GARNL3: variants seen among roughly 807,000 people sequenced by gnomAD.
GARNL3 encodes the protein GTPase activating Rap/RanGAP domain like 3, also known as GTPase-activating Rap/Ran-GAP domain-like protein 3.
A neutral mutation model predicts 125.0 loss-of-function variants in GARNL3; 63 were observed. The observed-to-expected ratio is 0.50, with a 90% CI of 0.41 to 0.62. GARNL3 has a LOEUF of 0.62. Ranked by LOEUF, GARNL3 falls within the 20% of genes least tolerant of loss-of-function variation. The pLI is 0.00. For synonymous variants in GARNL3, 439 were observed against 457.5 expected, an observed-to-expected ratio of 0.96 and a Z score of 0.52; for missense variants, 994 against 1,244.0, an observed-to-expected ratio of 0.80 and a Z score of 3.02.
intron 4 of GARNL3, among the ~76,000 whole-genome samples, chr9:127,314,531 C>T (rs1020811236): frequency 6.6e-6 from 1 of 151,714 alleles, no homozygotes; most frequent in Non-Finnish European, 1.5e-5. Flanking sequence ...CCCCTTCCTT[C>T]CTCCCTCCCT....
intron 9 of GARNL3, among the ~76,000 whole-genome samples, chr9:127,333,799 G>T (rs566357560): frequency 4.9e-4 from 75 of 152,290 alleles, no homozygotes; most frequent in African/African-American, 1.7e-3. Context: ...GTAGGAGAGG[G>T]GGCATGACCC....
chr9:127,240,710 G>A (rs1044735013), intron 1 of GARNL3, among the ~76,000 whole-genome samples: 1 of 152,174 alleles, frequency 6.6e-6, no homozygotes, highest in African/African-American at 2.4e-5. Flanking sequence ...TCAGACCACT[G>A]TGGGCAACAT....
Position 127,388,969 on chromosome 9 carries a change from C to T in GARNL3, c.2593C>T (p.Arg865Ter), listed in dbSNP as rs1456699424. The T allele has an allele frequency of 7.4e-6, 12 of 1,613,312 alleles. No individual in the cohort carries two copies. The highest frequency in any genetic ancestry group is 1.3e-5 in the African/African-American group (1 of 74,926). ...LRNLVGRSIE[R>*]PLKSPLVSKV... ...AAACCTCGTGGGCAGAAGCATCGAA[C>T]GACCTCTGAAGTCACCCTTAGTCTC... is the stretch of plus-strand genomic sequence containing the variant. Residue 865 changes from arginine to a stop codon, truncating the protein, a stop_gained, in exon 26 of 28, where the codon CGA (arginine) becomes TGA (stop). Coordinates refer to ENST00000373387, the MANE Select transcript of GARNL3 (RefSeq NM_032293.5). LOFTEE classifies it high-confidence loss of function.
chr9:127,238,284 A>C (rs1397019367), intron 1 of GARNL3, among the ~76,000 whole-genome samples: 2 of 152,102 alleles, frequency 1.3e-5, no homozygotes, highest in Non-Finnish European at 2.9e-5. Context: ...ATTAGGCCTC[A>C]TCAGGCCTGG....
intron 22 of GARNL3, among the ~76,000 whole-genome samples, chr9:127,381,428 G>A (rs945737523): frequency 1.1e-4 from 16 of 151,600 alleles, no homozygotes; most frequent in African/African-American, 3.9e-4. Context: ...GGGACATTTT[G>A]TGAACTAAAA....
intron 1 of GARNL3, among the ~76,000 whole-genome samples, chr9:127,269,689 G>T (rs1382367421): frequency 6.6e-6 from 1 of 151,698 alleles, no homozygotes; most frequent in Non-Finnish European, 1.5e-5. Context: ...ATCTTTTCAT[G>T]TGCTTATTGG....
intron 3 of GARNL3, among the ~76,000 whole-genome samples, chr9:127,312,098 A>G (rs1453576585): frequency 6.6e-6 from 1 of 152,222 alleles, no homozygotes; most frequent in Non-Finnish European, 1.5e-5. Context: ...ACTTAGTTCA[A>G]GGCAATGAGG....
At chr9:127,248,826 T>A (rs1404387965) in intron 2 of GARNL3, among the ~76,000 whole-genome samples, 2 of 151,870 alleles carry the variant, frequency 1.3e-5, no homozygotes, top group East Asian at 3.9e-4. Flanking sequence ...CCCGGGCTGG[T>A]CTTGAACTCC....
rs552826797 is a variant in GARNL3 at position 127,355,322 on chromosome 9, T to C, written c.1785T>C (p.Thr595=). The C allele has an allele frequency of 5.0e-6, 8 of 1,614,152 alleles. No homozygotes were observed. The East Asian group carries it at 1.3e-4, about 27-fold the overall frequency. The part of the protein sequence containing the change: ...TKGCHLYAIN[T]HHSRELRIVV... ...GCTGCCACCTGTATGCTATTAACACTCACCACAGCAGAGAGCTGAGGATTG... is the reference window on the plus strand; with the variant it reads ...GCTGCCACCTGTATGCTATTAACACCCACCACAGCAGAGAGCTGAGGATTG... Residue 595 remains threonine (T), a synonymous_variant, in exon 20 of 28, where the codon ACT becomes ACC. Coordinates refer to ENST00000373387, the MANE Select transcript of GARNL3 (RefSeq NM_032293.5).
chr9:127,272,280 A>AG (rs1334032947), intron 1 of GARNL3, among the ~76,000 whole-genome samples: 3 of 149,806 alleles, frequency 2.0e-5, no homozygotes, highest in Non-Finnish European at 4.4e-5. Flanking sequence ...AGGGTTAAGT[A>AG]GGGTTTTTAC....
Position 127,389,018 on chromosome 9 carries a change from C to G in GARNL3, c.2642C>G (p.Pro881Arg). Reference sequence around the variant, plus strand: ...TCCAAGGTCATCACCCCACCCACTCCCATCAGTGTGGGCCTTGCTGCCATT... The same window carrying G: ...TCCAAGGTCATCACCCCACCCACTCGCATCAGTGTGGGCCTTGCTGCCATT... ...LVSKVITPPT[P>R]ISVGLAAIPV... The change falls in exon 26 of 28, where the codon CCC becomes CGC. Residue 881 changes from proline (P) to arginine (R), a missense_variant. This residue lies in a region of GARNL3 where 728 missense variants were observed against 865.7 expected (regional missense o/e 0.84). Transcript: ENST00000373387. The G allele has an allele frequency of 6.2e-7, 1 of 1,613,126 alleles. No homozygotes were observed. The highest frequency in any genetic ancestry group is 8.5e-7 in the Non-Finnish European group (1 of 1,179,064).
At chr9:127,321,921 T>G (rs1049247843) in intron 6 of GARNL3, among the ~76,000 whole-genome samples, 4 of 152,234 alleles carry the variant, frequency 2.6e-5, no homozygotes, top group African/African-American at 9.6e-5. Context: ...CTTGTATATC[T>G]TTAAAATACG....
rs771501466 is a variant in GARNL3, at chr9:127,385,115, C to T, written c.2358C>T (p.Val786=). 32 of 1,608,172 alleles carry T rather than the reference C, an allele frequency of 2.0e-5. No homozygotes were observed. Among genetic ancestry groups the T allele is most frequent in the Non-Finnish European group, 2.5e-5 (29 of 1,176,592 alleles). Residue 786 remains valine, a synonymous_variant, in exon 24 of 28, where the codon GTC becomes GTT. Coordinates refer to ENST00000373387, the MANE Select transcript of GARNL3 (RefSeq NM_032293.5). The surrounding 1 kb of genome is among the most constrained non-coding windows in gnomAD (Gnocchi z 4.1). ...ACGGGAACCTGGTCCACACTGCAGT[C>T]GTGCCGCAGCTGCAGCTGGTGGCCT... ...VVNGNLVHTA[V]VPQLQLVASR... is the part of the protein sequence containing the mutation.
intron 2 of GARNL3, among the ~76,000 whole-genome samples, chr9:127,250,471 G>GGGCAGCC (rs1327692549): frequency 6.6e-6 from 1 of 152,350 alleles, no homozygotes; most frequent in East Asian, 1.9e-4. Context: ...ACTGGCAAGA[G>GGGCAGCC]GGCAGCCCCT....
intron 1 of GARNL3, 110 bp downstream of exon 1, chr9:127,265,131 A>G (rs1254215948): frequency 2.4e-6 from 2 of 835,838 alleles, no homozygotes; most frequent in Non-Finnish European, 3.6e-6. Context: ...ATGTGGGTAC[A>G]GTGTAAGGAT....
chr9:127,291,196 T>A lies in GARNL3; in HGVS notation c.173T>A (p.Ile58Asn). ...LLISSDADGA[I>N]QRAGRFRVEN... ...ATTTCCAGTGATGCTGATGGAGCCA[T>A]CCAAAGGGCTGGAAGATTCAGAGTG... Residue 58 changes from isoleucine (I) to asparagine (N), a missense_variant, in exon 2 of 28, where the codon ATC becomes AAC. Ile to Asn is a moderately radical substitution (Grantham distance 149). Coordinates refer to ENST00000373387, the MANE Select transcript of GARNL3 (RefSeq NM_032293.5). The A allele has an allele frequency of 6.2e-7, 1 of 1,614,140 alleles. No homozygotes were observed. Among genetic ancestry groups the A allele is most frequent in the Non-Finnish European group, 8.5e-7 (1 of 1,180,004 alleles).
At position 127,355,422 on chromosome 9, in the gene GARNL3, T is replaced by A. The variant is rs1333014470; in HGVS notation, c.1885T>A (p.Leu629Met). Residue 629 changes from leucine (L) to methionine (M), a missense_variant, in exon 20 of 28, where the codon TTG becomes ATG. Leu to Met is a conservative substitution (Grantham distance 15). Around this residue, in one of 5 missense-constraint regions of GARNL3, gnomAD observed 728 missense variants for 865.7 expected, o/e 0.84. Transcript: ENST00000373387. ...GCCAAGCGGGGTCACCAGCACCTCA[T>A]TGTTATCTCCCCTGTCTGAGTCACC... ...NKPSGVTSTS[L>M]LSPLSESPVE... 6.2e-7 allele frequency: 1 copy of A among 1,614,100 alleles called. No homozygotes were observed. Among genetic ancestry groups the A allele is most frequent in the African/African-American group, 1.3e-5 (1 of 74,936 alleles).
chr9:127,336,000 A>G (rs777623557), intron 10 of GARNL3, 128 bp from the exon 11 acceptor site: 5 of 665,248 alleles, frequency 7.5e-6, no homozygotes, highest in African/African-American at 7.5e-5. Flanking sequence ...CCTGAAGTCA[A>G]AGATGTCTGA....
At chr9:127,357,500 T>G in intron 21 of GARNL3, 123 bp downstream of exon 21, 1 of 912,958 alleles carries the variant, frequency 1.1e-6, no homozygotes, top group African/African-American at 1.7e-5. Flanking sequence ...CACATCAGTA[T>G]TATGTGATTC....
Sources: allele counts gnomAD v4.1 joint callset (sites outside exome capture counted in the v4.1 genomes callset), GRCh38; gene constraint gnomAD v4.1.1; regional missense constraint gnomAD v4.1.1; non-coding constraint Gnocchi (gnomAD v3.1); transcripts MANE v1.5; gene names NCBI Gene and HGNC (gene_info 2026-07-23, HGNC 2026-07-21).